ANKLE2: variants seen among roughly 807,000 people sequenced by gnomAD.
ANKLE2 encodes the protein ankyrin repeat and LEM domain-containing protein 2.
Under a neutral mutation model 84.2 loss-of-function variants are expected in ANKLE2, and 55 were observed. The ratio of observed to expected loss-of-function variants is 0.65; its 90% CI spans 0.53 to 0.82. The LOEUF (loss-of-function observed/expected upper bound fraction) is 0.82. Among genes scored for constraint, ANKLE2 ranks in the 40% least tolerant of loss-of-function variants. ANKLE2 has a pLI of 0.00. For missense variants in ANKLE2, 1,238 were observed against 1,201.9 expected, an observed-to-expected ratio of 1.03 and a Z score of -0.44; for synonymous variants, 551 against 486.1, an observed-to-expected ratio of 1.13 and a Z score of -1.76.
rs1196034559 is a variant in ANKLE2, at chr12:132,741,405, A to C, written c.1420+14T>G. ...CGTGGACCCCACGATCCAGGCACCAACTCCCCATCTTACCCTTTAAATACT... is the reference window on the plus strand; with the variant it reads ...CGTGGACCCCACGATCCAGGCACCACCTCCCCATCTTACCCTTTAAATACT... On this transcript the variant is annotated intron_variant, in intron 7 of 12. Coordinates refer to ENST00000357997, the MANE Select transcript of ANKLE2 (RefSeq NM_015114.3). 1 of 1,613,324 alleles carries C rather than the reference A, an allele frequency of 6.2e-7. No homozygotes were observed. The highest frequency in any genetic ancestry group is 8.5e-7 in the Non-Finnish European group (1 of 1,179,774).
chr12:132,750,823 T>G lies in ANKLE2; in HGVS notation c.667A>C (p.Lys223Gln), dbSNP rs2044339387. ...NERIYVYENKKEALQAVKMIK... is the reference protein window; with the variant it reads ...NERIYVYENKQEALQAVKMIK... Reference sequence around the variant, plus strand: ...ATCTTGACAGCTTGCAATGCTTCCTTTTTATTTTCATAAACATAGATCCTT... The same window carrying G: ...ATCTTGACAGCTTGCAATGCTTCCTGTTTATTTTCATAAACATAGATCCTT... The change falls in exon 3 of 13, where the codon AAG (lysine) becomes CAG (glutamine). Residue 223 changes from lysine (K) to glutamine (Q), a missense_variant. Physicochemically the swap from Lys to Gln is moderately conservative, Grantham distance 53. Around this residue, in one of 3 missense-constraint regions of ANKLE2, gnomAD observed 422 missense variants for 394.5 expected, o/e 1.07. Coordinates refer to ENST00000357997, the MANE Select transcript of ANKLE2 (RefSeq NM_015114.3). 5 of 1,614,042 alleles carry G rather than the reference T, an allele frequency of 3.1e-6. No homozygotes were observed. The South Asian group carries it at 4.4e-5, about 14-fold the overall frequency.
chr12:132,743,649 T>G lies in ANKLE2; in HGVS notation c.1231-373A>C, dbSNP rs1275216759. 8.9e-6 allele frequency among the ~76,000 whole-genome samples: 1 copy of G among 112,968 alleles called. No individual in the cohort carries two copies. The allele number at this position is 112,968 out of a possible 152,430, so 74.1% of individuals were successfully genotyped here. A position where few individuals can be genotyped will look rare whatever the true frequency, so the allele number is the denominator to read the frequency against. Reference sequence around the variant, plus strand: ...CAGGTGTGAGTCACCGAGCCTGGCTTATACTTTTTTAAAAAAAAAAAGACT... The same window carrying G: ...CAGGTGTGAGTCACCGAGCCTGGCTGATACTTTTTTAAAAAAAAAAAGACT... On this transcript the variant is annotated intron_variant, in intron 5 of 12. Transcript: ENST00000357997. This position sits in a 1 kb window ranked among gnomAD's most constrained non-coding sequence, Gnocchi z 4.1.
rs572442599 is a variant in ANKLE2, at chr12:132,751,022, A to G, written c.641-173T>C. 24 of 609,668 alleles carry G rather than the reference A, an allele frequency of 3.9e-5. No individual in the cohort carries two copies. The South Asian group carries it at 4.6e-4, about 12-fold the overall frequency. 37.8% of individuals were successfully genotyped at this position (609,668 alleles called of 1,614,324 possible). A position where few individuals can be genotyped will look rare whatever the true frequency, so the allele number is the denominator to read the frequency against. On this transcript the variant is annotated intron_variant, in intron 2 of 12. Transcript: ENST00000357997. ...CTAAGCTAGCCAAAATAGAACAATTAACAAGCTCGACAGTGTGCATATATG... is the reference window on the plus strand; with the variant it reads ...CTAAGCTAGCCAAAATAGAACAATTGACAAGCTCGACAGTGTGCATATATG...
Position 132,743,401 on chromosome 12 carries a change from G to A in ANKLE2, c.1231-125C>T, listed in dbSNP as rs888245774. On this transcript the variant is annotated intron_variant, in intron 5 of 12. Transcript: ENST00000357997. The surrounding 1 kb of genome is among the most constrained non-coding windows in gnomAD (Gnocchi z 4.1). ...TATTTTGAGACGGAGTCTCACTGGC[G>A]TGATCTTGGCTCACTGCAACCTCTG... 3.5e-5 allele frequency: 44 copies of A among 1,268,636 alleles called. No individual in the cohort carries two copies. The highest frequency in any genetic ancestry group is 5.8e-5 in the Admixed American group (2 of 34,616). 78.6% of individuals were successfully genotyped at this position (1,268,636 alleles called of 1,614,324 possible).
intron 2 of ANKLE2, among the ~76,000 whole-genome samples, chr12:132,752,579 C>G (rs1384624551): frequency 6.6e-6 from 1 of 152,024 alleles, no homozygotes; most frequent in Non-Finnish European, 1.5e-5. Flanking sequence ...CCGTGTTAGC[C>G]AGGATGGTCT....
intron 2 of ANKLE2, 40 bp downstream of exon 2, chr12:132,754,635 T>C (rs374047438): frequency 1.9e-6 from 3 of 1,547,238 alleles, no homozygotes; most frequent in African/African-American, 2.8e-5. Flanking sequence ...TCCGCGTATG[T>C]GCTATCTGTG....
intron 2 of ANKLE2, 54 bp from the exon 3 acceptor site, chr12:132,750,903 C>G: frequency 6.5e-7 from 1 of 1,536,478 alleles, no homozygotes; most frequent in South Asian, 1.1e-5. Context: ...GGAGAGCTGT[C>G]ACCTGGCCAT....
At chr12:132,744,648 C>G (rs2044197430) in intron 5 of ANKLE2, among the ~76,000 whole-genome samples, 2 of 152,186 alleles carry the variant, frequency 1.3e-5, no homozygotes, top group South Asian at 2.1e-4. Context: ...CAGGGGCTGG[C>G]AAGCTTTCTT....
chr12:132,747,868 G>A lies in ANKLE2; in HGVS notation c.1194C>T (p.Tyr398=), dbSNP rs553392569. 8 of 1,610,660 alleles carry A rather than the reference G, an allele frequency of 5.0e-6. No homozygotes were observed. Among genetic ancestry groups the A allele is most frequent in the Middle Eastern group, 1.6e-4 (1 of 6,066 alleles). The change falls in exon 5 of 13, where the codon TAC becomes TAT. Residue 398 remains tyrosine (Y), a synonymous_variant. Coordinates refer to ENST00000357997, the MANE Select transcript of ANKLE2 (RefSeq NM_015114.3). ...GGGTGTTGAGGTACAGGTCCACCACGTAACGGATACGCTTCTGCAGCATGG... is the reference window on the plus strand; with the variant it reads ...GGGTGTTGAGGTACAGGTCCACCACATAACGGATACGCTTCTGCAGCATGG... ...DEAMLQKRIR[Y]VVDLYLNTPD...
intron 12 of ANKLE2, among the ~76,000 whole-genome samples, chr12:132,727,656 C>G (rs12812387): frequency 0.068 from 2,433 of 35,784 alleles, no homozygotes; most frequent in East Asian, 0.14. Flanking sequence ...GCGGAGGAGA[C>G]ACACTGCTGA....
intron 7 of ANKLE2, chr12:132,738,076 C>G (rs2136129952): frequency 6.6e-6 from 1 of 152,604 alleles, no homozygotes; most frequent in Admixed American, 6.5e-5. Flanking sequence ...AGTCCTGCTT[C>G]TCTTGTAGTT....
chr12:132,736,817 C>T (rs1027192084), intron 8 of ANKLE2, 76 bp downstream of exon 8: 86 of 1,491,670 alleles, frequency 5.8e-5, no homozygotes, highest in Non-Finnish European at 7.3e-5. Context: ...ACGCACAAGG[C>T]AACAGGCTGG....
At chr12:132,753,321 C>CAA (rs796460299) in intron 2 of ANKLE2, among the ~76,000 whole-genome samples, 17 of 142,276 alleles carry the variant, frequency 1.2e-4, no homozygotes, top group Non-Finnish European at 1.5e-5. Context: ...ACCCCAGTCT[C>CAA]AAAAAAAAAA....
In ANKLE2 at chr12:132,730,117, TCCTGCTCCAAGGGGAAGGCGCTGCA is replaced by T; in HGVS notation, c.2020_2044del (p.Cys674ArgfsTer5). On this transcript the variant is annotated frameshift_variant, in exon 11 of 13. Transcript: ENST00000357997. LOFTEE classifies it high-confidence loss of function. ...CTCGGCGGCTTCTATGAGGTCTGCC[TCCTGCTCCAAGGGGAAGGCGCTGCA>T]CCTCGTATGTCCAAAAGCACCGACT... is the stretch of plus-strand genomic sequence containing the variant. 6.2e-7 allele frequency: 1 copy of T among 1,612,568 alleles called. No homozygotes were observed. The highest frequency in any genetic ancestry group is 8.5e-7 in the Non-Finnish European group (1 of 1,179,742).
intron 6 of ANKLE2, 147 bp from the exon 7 acceptor site, chr12:132,741,632 G>T: frequency 1.3e-6 from 1 of 762,174 alleles, no homozygotes; most frequent in African/African-American, 1.7e-5. Context: ...CTCAGAAAAC[G>T]TGTGAAGAGT....
At chr12:132,748,772 C>T (rs1428694108) in intron 3 of ANKLE2, 1 of 191,972 alleles carries the variant, frequency 5.2e-6, no homozygotes, top group Non-Finnish European at 1.1e-5. Flanking sequence ...ATATAGCTCA[C>T]TGCAGCCTCG....
chr12:132,726,003 A>G lies in ANKLE2; in HGVS notation c.*1239T>C, dbSNP rs1340035927. 1 of 152,222 alleles carries G rather than the reference A, an allele frequency of 6.6e-6. No homozygotes were observed. Among genetic ancestry groups the G allele is most frequent in the African/African-American group, 2.4e-5 (1 of 41,454 alleles). The allele number at this position is 152,222 out of a possible 1,614,324, so 9.4% of individuals were successfully genotyped here. On this transcript the variant is annotated 3_prime_UTR_variant, in exon 13 of 13. Transcript: ENST00000357997. ...AAAGTTTCAATTCAGAATTTTTACA[A>G]ACAAAAACAATCCTGCGTCTACTTA...
At chr12:132,735,615 C>T (rs2043993187) in intron 8 of ANKLE2, 103 bp from the exon 9 acceptor site, 7 of 869,508 alleles carry the variant, frequency 8.1e-6, no homozygotes, top group South Asian at 8.0e-5. Context: ...TGTCTCCGCA[C>T]ACCCTTCCTT....
At chr12:132,750,594 G>A (rs774534383) in intron 3 of ANKLE2, 49 bp downstream of exon 3, 5 of 1,595,006 alleles carry the variant, frequency 3.1e-6, no homozygotes, top group Non-Finnish European at 4.3e-6. Flanking sequence ...AAAACAGGGT[G>A]GGATCAATGT....
Sources: allele counts gnomAD v4.1 joint callset (sites outside exome capture counted in the v4.1 genomes callset), GRCh38; gene constraint gnomAD v4.1.1; regional missense constraint gnomAD v4.1.1; non-coding constraint Gnocchi (gnomAD v3.1); transcripts MANE v1.5; gene names NCBI Gene and HGNC (gene_info 2026-07-23, HGNC 2026-07-21).